The following INPP4B variants were observed in gnomAD, a reference collection of about 807,000 sequenced individuals.
INPP4B encodes the protein inositol polyphosphate-4-phosphatase type II B.
Under a neutral mutation model 122.5 loss-of-function variants are expected in INPP4B, and 55 were observed. That is an observed-to-expected ratio of 0.45 (90% CI 0.36 to 0.56). INPP4B has a LOEUF of 0.56. Among genes scored for constraint, INPP4B ranks in the 20% least tolerant of loss-of-function variants. INPP4B has a pLI of 0.00. For missense variants in INPP4B, 1,000 were observed against 1,097.7 expected, an observed-to-expected ratio of 0.91 and a Z score of 1.26; for synonymous variants, 403 against 388.7, an observed-to-expected ratio of 1.04 and a Z score of -0.43.
intron 7 of INPP4B, among the ~76,000 whole-genome samples, chr4:142,357,368 A>G (rs534565983): frequency 1.3e-5 from 2 of 152,120 alleles, no homozygotes; most frequent in South Asian, 4.1e-4. Flanking sequence ...TGCTGAACAC[A>G]CAGTTGATGT....
intron 23 of INPP4B, among the ~76,000 whole-genome samples, chr4:142,088,365 G>A (rs1378886230): frequency 6.6e-6 from 1 of 152,172 alleles, no homozygotes; most frequent in Non-Finnish European, 1.5e-5. Context: ...AAACCCAGGG[G>A]AAGCCATAAA....
At chr4:142,822,734 G>GA (rs769975996) in intron 1 of INPP4B, among the ~76,000 whole-genome samples, 51 of 152,076 alleles carry the variant, frequency 3.4e-4, no homozygotes, top group Non-Finnish European at 5.1e-4. Flanking sequence ...TCTGTTACAT[G>GA]AAAAAAGTGA....
intron 10 of INPP4B, among the ~76,000 whole-genome samples, chr4:142,267,117 A>G (rs1743192154): frequency 1.3e-5 from 2 of 152,236 alleles, no homozygotes; most frequent in African/African-American, 4.8e-5. Context: ...TAATACTGTT[A>G]AAATGTCTAT....
intron 7 of INPP4B, among the ~76,000 whole-genome samples, chr4:142,353,364 A>G (rs761317086): frequency 1.3e-5 from 2 of 152,034 alleles, no homozygotes; most frequent in Admixed American, 6.6e-5. Flanking sequence ...AAGTCAAGAA[A>G]AGAGGAAAAA....
chr4:142,737,137 A>T (rs557076187), intron 1 of INPP4B, among the ~76,000 whole-genome samples: 2 of 152,210 alleles, frequency 1.3e-5, no homozygotes, highest in Non-Finnish European at 2.9e-5. Context: ...GAACCAAAAA[A>T]GAGCCTGCAT....
intron 25 of INPP4B, among the ~76,000 whole-genome samples, chr4:142,076,383 A>G (rs980620137): frequency 3.9e-5 from 6 of 152,040 alleles, no homozygotes; most frequent in Admixed American, 2.6e-4. Context: ...CATGATTTCT[A>G]AGATGTGTAT....
chr4:142,241,594 T>C (rs75202680), intron 11 of INPP4B, among the ~76,000 whole-genome samples: 15,104 of 152,166 alleles, frequency 0.099, 844 homozygotes, highest in Middle Eastern at 0.15. Flanking sequence ...ACTGCTGCAG[T>C]TCTAAATTAT....
intron 11 of INPP4B, among the ~76,000 whole-genome samples, chr4:142,256,804 G>A (rs1302292763): frequency 6.6e-6 from 1 of 152,164 alleles, no homozygotes; most frequent in African/African-American, 2.4e-5. Flanking sequence ...CATTCCTTCT[G>A]AAACTGTTCC....
At chr4:142,503,360 C>G (rs983789832) in intron 2 of INPP4B, among the ~76,000 whole-genome samples, 1 of 152,048 alleles carries the variant, frequency 6.6e-6, no homozygotes, top group Admixed American at 6.6e-5. Context: ...TTTTAAAAAG[C>G]CTTTATCTTC....
At chr4:142,180,480 A>T (rs890835876) in intron 15 of INPP4B, among the ~76,000 whole-genome samples, 1 of 152,198 alleles carries the variant, frequency 6.6e-6, no homozygotes, top group Non-Finnish European at 1.5e-5. Context: ...GATAATAATC[A>T]TTGGGTACAT....
At chr4:142,544,348 G>A (rs1829305741) in intron 2 of INPP4B, among the ~76,000 whole-genome samples, 1 of 151,934 alleles carries the variant, frequency 6.6e-6, no homozygotes, top group Non-Finnish European at 1.5e-5. Flanking sequence ...AGAGAAAGCT[G>A]TTCTAGAGGT....
intron 3 of INPP4B, among the ~76,000 whole-genome samples, chr4:142,447,864 A>C (rs1038350760): frequency 6.6e-6 from 1 of 152,194 alleles, no homozygotes; most frequent in African/African-American, 2.4e-5. Context: ...GGCAGCAAGG[A>C]GGTAGCCCTT....
chr4:142,323,692 G>A (rs929079249), intron 7 of INPP4B, among the ~76,000 whole-genome samples: 9 of 151,552 alleles, frequency 5.9e-5, no homozygotes, highest in South Asian at 2.1e-4. Flanking sequence ...TGATCTGCCC[G>A]CCTTGGCCTC....
At chr4:142,567,884 G>T (rs752018788) in intron 2 of INPP4B, among the ~76,000 whole-genome samples, 13 of 152,022 alleles carry the variant, frequency 8.6e-5, no homozygotes, top group Non-Finnish European at 2.9e-5. Flanking sequence ...TAGTCTCAAG[G>T]CATACTCTAG....
At chr4:142,793,733 C>T (rs1488689280) in intron 1 of INPP4B, among the ~76,000 whole-genome samples, 1 of 151,580 alleles carries the variant, frequency 6.6e-6, no homozygotes, top group Non-Finnish European at 1.5e-5. Context: ...GAAAACAAAA[C>T]AATATAAAAC....
chr4:142,113,628 T>C (rs910648949), intron 21 of INPP4B, among the ~76,000 whole-genome samples: 2 of 151,996 alleles, frequency 1.3e-5, no homozygotes, highest in African/African-American at 2.4e-5. Context: ...CAAGCAGGGA[T>C]GTTAGCATTA....
intron 9 of INPP4B, among the ~76,000 whole-genome samples, chr4:142,297,757 G>A (rs529970486): frequency 6.6e-6 from 1 of 152,278 alleles, no homozygotes; most frequent in East Asian, 1.9e-4. Context: ...AACACACCAA[G>A]TTTAGAGAAG....
At chr4:142,181,121 G>C (rs905454278) in intron 15 of INPP4B, among the ~76,000 whole-genome samples, 1 of 152,138 alleles carries the variant, frequency 6.6e-6, no homozygotes, top group Non-Finnish European at 1.5e-5. Flanking sequence ...CTTCCCATAA[G>C]AGCTTGCAAA....
intron 2 of INPP4B, among the ~76,000 whole-genome samples, chr4:142,556,666 G>A (rs1729255262): frequency 6.6e-6 from 1 of 152,006 alleles, no homozygotes; most frequent in African/African-American, 2.4e-5. Flanking sequence ...TGAGAAGAGG[G>A]GGAGGTATGC....
Sources: allele counts gnomAD v4.1 joint callset (sites outside exome capture counted in the v4.1 genomes callset), GRCh38; gene constraint gnomAD v4.1.1; transcripts MANE v1.5; gene names NCBI Gene and HGNC (gene_info 2026-07-23, HGNC 2026-07-21).